NFX1: variants seen among roughly 807,000 people sequenced by gnomAD.
NFX1 encodes nuclear transcription factor, X-box binding 1, also known as transcriptional repressor NF-X1.
NFX1 carries 69 observed loss-of-function variants against 137.2 expected under a neutral mutation model. The ratio of observed to expected loss-of-function variants is 0.50; its 90% CI spans 0.41 to 0.61. The LOEUF is 0.61. Among genes scored for constraint, NFX1 ranks in the 20% least tolerant of loss-of-function variants. The pLI is 0.00. For synonymous variants in NFX1, 495 were observed against 474.1 expected (o/e 1.04, Z -0.57); for missense variants, 1,167 against 1,391.0 (o/e 0.84, Z 2.56).
chr9:33,327,284 C>CA (rs1822629616), intron 9 of NFX1, among the ~76,000 whole-genome samples: 1 of 152,210 alleles, frequency 6.6e-6, no homozygotes, highest in South Asian at 2.1e-4. Flanking sequence ...CTTGGCTTCT[C>CA]AAAGTGCTGG....
chr9:33,361,164 A>C (rs1190840813), intron 19 of NFX1, among the ~76,000 whole-genome samples: 1 of 152,180 alleles, frequency 6.6e-6, no homozygotes, highest in Non-Finnish European at 1.5e-5. Flanking sequence ...TGTTAAAGAA[A>C]CCTAAATGGG....
At chr9:33,303,810 C>G (rs1316706076) in intron 4 of NFX1, among the ~76,000 whole-genome samples, 1 of 152,176 alleles carries the variant, frequency 6.6e-6, no homozygotes, top group East Asian at 1.9e-4. Context: ...CTCATTCTTG[C>G]TGCTAGCCCA....
At chr9:33,323,717 C>T (rs759008909) in intron 9 of NFX1, among the ~76,000 whole-genome samples, 15 of 149,060 alleles carry the variant, frequency 1.0e-4, no homozygotes, top group Non-Finnish European at 1.9e-4. Context: ...TGCGCCACTG[C>T]ACTACAGCCT....
intron 16 of NFX1, chr9:33,352,385 C>T: frequency 1.7e-6 from 1 of 582,250 alleles, no homozygotes; most frequent in Non-Finnish European, 3.2e-6. Context: ...GTACAAACTT[C>T]ATCCTAGGCC....
chr9:33,322,743 A>G (rs1011591059), intron 9 of NFX1, among the ~76,000 whole-genome samples: 2 of 152,230 alleles, frequency 1.3e-5, no homozygotes, highest in African/African-American at 4.8e-5. Context: ...GAGACAGTTC[A>G]TAACAAAAGA....
intron 9 of NFX1, among the ~76,000 whole-genome samples, chr9:33,326,751 T>C (rs1822606063): frequency 6.6e-6 from 1 of 152,130 alleles, no homozygotes; most frequent in Non-Finnish European, 1.5e-5. Flanking sequence ...ATATATATAT[T>C]TGTTATCTTT....
chr9:33,310,794 A>G (rs975074927), intron 5 of NFX1, among the ~76,000 whole-genome samples: 4 of 152,060 alleles, frequency 2.6e-5, no homozygotes, highest in Non-Finnish European at 2.9e-5. Flanking sequence ...ATCCCCACAC[A>G]CTGCTGTAAG....
Position 33,319,079 on chromosome 9 carries a change from C to CCTT in NFX1, c.1860_1862dup (p.Ser621dup). The CCTT allele has an allele frequency of 6.2e-7, 1 of 1,614,196 alleles. No homozygotes were observed. The highest frequency in any genetic ancestry group is 8.5e-7 in the Non-Finnish European group (1 of 1,180,048). The stretch of plus-strand genomic sequence containing the variant: ...TCGGAAAACATGCATGGACCCTGTG[C>CCTT]CTTCATGTGGAAAAGTGTGCGGCAA... On this transcript the variant is annotated inframe_insertion, in exon 9 of 24. Transcript: ENST00000379540.
At chr9:33,369,802 T>A (rs1239395938) in intron 23 of NFX1, 104 bp from the exon 24 acceptor site, 1 of 824,526 alleles carries the variant, frequency 1.2e-6, no homozygotes, top group East Asian at 2.7e-5. Context: ...AAATAAATGT[T>A]TAAGATTCAC....
chr9:33,345,699 T>G lies in NFX1; in HGVS notation c.2345-1339T>G, dbSNP rs1296169089. On this transcript the variant is annotated intron_variant, in intron 14 of 23. Coordinates refer to ENST00000379540, the MANE Select transcript of NFX1 (RefSeq NM_002504.6). The stretch of plus-strand genomic sequence containing the variant: ...TTATTATATTTTTGATCTGTCCCCT[T>G]GTAAGTATTTTTTTACAATATAAAC... 2.0e-5 allele frequency among the ~76,000 whole-genome samples: 3 copies of G among 152,326 alleles called. No homozygotes were observed. The East Asian group carries it at 5.8e-4, about 29-fold the overall frequency.
rs149258577 is a variant in NFX1, at chr9:33,301,553, A to G, written c.1192+132A>G. ...TCTGCAGGGAGAGTATGTTACCTTG[A>G]TCATGTGTTTCATATGACCAGAATT... On this transcript the variant is annotated intron_variant, in intron 3 of 23. Transcript: ENST00000379540. The G allele has an allele frequency of 5.0e-4, 432 of 863,886 alleles. No individual in the cohort carries two copies. The African/African-American group carries it at 6.4e-3, about 13-fold the overall frequency. The allele number at this position is 863,886 out of a possible 1,614,324, so 53.5% of individuals were successfully genotyped here.
chr9:33,300,065 A>ATTTTTTT (rs34826491), intron 2 of NFX1, among the ~76,000 whole-genome samples: 1 of 100,276 alleles, frequency 1.0e-5, no homozygotes, highest in Non-Finnish European at 1.9e-5. Flanking sequence ...ATGTTATAGC[A>ATTTTTTT]TTTTTTTTTT....
chr9:33,339,865 T>C (rs1209140861), intron 12 of NFX1, among the ~76,000 whole-genome samples: 1 of 152,216 alleles, frequency 6.6e-6, no homozygotes, highest in Non-Finnish European at 1.5e-5. Context: ...CTCCTTTGAC[T>C]CCATGTCTCA....
intron 23 of NFX1, among the ~76,000 whole-genome samples, chr9:33,369,224 C>T (rs534957501): frequency 6.6e-6 from 1 of 152,200 alleles, no homozygotes; most frequent in African/African-American, 2.4e-5. Flanking sequence ...TGCCACCACG[C>T]CCGGCTAATT....
intron 9 of NFX1, among the ~76,000 whole-genome samples, chr9:33,322,604 C>T (rs1317899006): frequency 6.6e-6 from 1 of 152,126 alleles, no homozygotes; most frequent in Non-Finnish European, 1.5e-5. Context: ...AATACTGGAG[C>T]CCTAATCGTC....
intron 9 of NFX1, among the ~76,000 whole-genome samples, chr9:33,320,882 C>T (rs1822359955): frequency 6.6e-6 from 1 of 152,216 alleles, no homozygotes; most frequent in African/African-American, 2.4e-5. Flanking sequence ...CAGCGTGAAT[C>T]AGTGGGAACA....
At chr9:33,292,198 A>G (rs1821187264) in intron 1 of NFX1, among the ~76,000 whole-genome samples, 1 of 152,178 alleles carries the variant, frequency 6.6e-6, no homozygotes, top group South Asian at 2.1e-4. Flanking sequence ...GAAAGTATCT[A>G]ATGAGGCAAA....
Position 33,342,841 on chromosome 9 carries a change from A to G in NFX1, c.2211A>G (p.Thr737=). The G allele has an allele frequency of 6.2e-7, 1 of 1,610,516 alleles. No homozygotes were observed. Among genetic ancestry groups the G allele is most frequent in the African/African-American group, 1.3e-5 (1 of 75,024 alleles). ...EEPCHRGNCQ[T]CWQASFDELT... ...CTTGTCATCGTGGAAACTGCCAGACATGCTGGCAAGCCAGTGAGTGTCTTT... is the reference window on the plus strand; with the variant it reads ...CTTGTCATCGTGGAAACTGCCAGACGTGCTGGCAAGCCAGTGAGTGTCTTT... The change falls in exon 13 of 24, where the codon ACA becomes ACG. Residue 737 remains threonine (T), a synonymous_variant. Coordinates refer to ENST00000379540, the MANE Select transcript of NFX1 (RefSeq NM_002504.6).
At chr9:33,341,063 C>T (rs935338106) in intron 12 of NFX1, among the ~76,000 whole-genome samples, 1 of 152,208 alleles carries the variant, frequency 6.6e-6, no homozygotes, top group Admixed American at 6.5e-5. Flanking sequence ...TTTCGGGTAT[C>T]TTTTCAGCAG....
Sources: gnomAD v4.1 joint callset for allele counts (sites outside exome capture counted in the v4.1 genomes callset) on GRCh38, gnomAD v4.1.1 for gene constraint, MANE v1.5 for transcripts, NCBI Gene and HGNC (gene_info 2026-07-23, HGNC 2026-07-21) for gene names.